DIS3L2: variants seen among roughly 807,000 people sequenced by gnomAD.
The protein encoded by DIS3L2 is DIS3 like 3'-5' exoribonuclease 2, also known as DIS3-like exonuclease 2.
Under a neutral mutation model 97.5 loss-of-function variants are expected in DIS3L2, and 34 were observed. That is an observed-to-expected ratio of 0.35 (90% CI 0.27 to 0.46). DIS3L2 has a LOEUF of 0.46. Among genes scored for constraint, DIS3L2 ranks in the 20% least tolerant of loss-of-function variants. DIS3L2 has a pLI of 1.00. For synonymous variants in DIS3L2, 435 were observed against 445.2 expected, an observed-to-expected ratio of 0.98 and a Z score of 0.29; for missense variants, 1,038 against 1,146.0, an observed-to-expected ratio of 0.91 and a Z score of 1.36.
chr2:232,337,259 C>A, downstream of DIS3L2: 2 of 935,728 alleles, frequency 2.1e-6, no homozygotes. Context: ...GTGTCCAACC[C>A]TGCCCCCACT....
At chr2:232,227,234 T>C (rs1490262162) in intron 10 of DIS3L2, among the ~76,000 whole-genome samples, 3 of 152,214 alleles carry the variant, frequency 2.0e-5, no homozygotes, top group Non-Finnish European at 2.9e-5. Flanking sequence ...TAAAATTAAA[T>C]TGAGAGCGCT....
At chr2:232,243,476 G>A (rs1693162854) in intron 11 of DIS3L2, among the ~76,000 whole-genome samples, 1 of 151,918 alleles carries the variant, frequency 6.6e-6, no homozygotes, top group Non-Finnish European at 1.5e-5. Context: ...CAGGAAAATT[G>A]TCATCAGTAC....
chr2:232,111,395 C>A (rs1371507773), intron 6 of DIS3L2: 1 of 351,470 alleles, frequency 2.8e-6, no homozygotes, highest in Non-Finnish European at 6.1e-6. Context: ...ATATGTATAC[C>A]GATTTTCGTC....
At chr2:232,181,244 A>C (rs1691257241) in intron 9 of DIS3L2, among the ~76,000 whole-genome samples, 1 of 150,636 alleles carries the variant, frequency 6.6e-6, no homozygotes, top group Non-Finnish European at 1.5e-5. Context: ...TGCCCTTAAC[A>C]TTTTTTCCTT....
At chr2:232,326,331 G>A (rs1227362611) in intron 14 of DIS3L2, among the ~76,000 whole-genome samples, 9 of 138,738 alleles carry the variant, frequency 6.5e-5, no homozygotes, top group Non-Finnish European at 1.1e-4. Flanking sequence ...TCTCTGACCC[G>A]TGGTGCCAGG....
intron 3 of DIS3L2, among the ~76,000 whole-genome samples, chr2:232,021,854 T>G (rs1047659757): frequency 3.9e-5 from 6 of 152,122 alleles, no homozygotes; most frequent in Admixed American, 2.0e-4. Flanking sequence ...ATAGACTCCC[T>G]CTGAGAGCAC....
At chr2:232,338,924 C>T (rs1428948232), downstream of DIS3L2, among the ~76,000 whole-genome samples, 5 of 152,286 alleles carry the variant, frequency 3.3e-5, no homozygotes, top group South Asian at 4.1e-4. Flanking sequence ...CAGAGCGAGA[C>T]TGTCTTTTCC....
chr2:232,249,660 T>C (rs1006766208), intron 12 of DIS3L2, among the ~76,000 whole-genome samples: 3 of 152,122 alleles, frequency 2.0e-5, no homozygotes, highest in Middle Eastern at 3.4e-3. Context: ...TGAATGAGGA[T>C]TGGCAAAGGC....
At chr2:232,240,703 C>T (rs1377311717) in intron 11 of DIS3L2, among the ~76,000 whole-genome samples, 1 of 152,166 alleles carries the variant, frequency 6.6e-6, no homozygotes, top group African/African-American at 2.4e-5. Context: ...CACCTGAGTC[C>T]AAGCTCTGAG....
At position 232,329,857 on chromosome 2, in the gene DIS3L2, A is replaced by G. The variant is rs752819903; in HGVS notation, c.1784A>G (p.His595Arg). 8 of 1,340,650 alleles carry G rather than the reference A, an allele frequency of 6.0e-6. No individual in the cohort carries two copies. The South Asian group carries it at 8.1e-5, about 14-fold the overall frequency. The allele number at this position is 1,340,650 out of a possible 1,614,324, so 83.0% of individuals were successfully genotyped here. The part of the protein sequence containing the change: ...FMLLANMAVA[H>R]KIHRAFPEQA... ...CTCTTGGCCAACATGGCAGTGGCCC[A>G]CAAGATCCACCGCGCCTTCCCCGAG... The change falls in exon 15 of 21, where the codon CAC (histidine) becomes CGC (arginine). Residue 595 changes from histidine (H) to arginine (R), a missense_variant. Coordinates refer to ENST00000325385, the MANE Select transcript of DIS3L2 (RefSeq NM_152383.5).
chr2:232,235,582 T>C (rs867501848), intron 10 of DIS3L2, among the ~76,000 whole-genome samples: 1 of 152,206 alleles, frequency 6.6e-6, no homozygotes, highest in Admixed American at 6.5e-5. Context: ...AATGAACTCT[T>C]TGTCAGTTTG....
At chr2:232,111,258 G>A (rs540100144) in intron 6 of DIS3L2, 1 of 471,326 alleles carries the variant, frequency 2.1e-6, no homozygotes, top group African/African-American at 2.0e-5. Context: ...GGAAGTCAGT[G>A]AGTTCATTAA....
chr2:232,175,892 T>C (rs1218714874), intron 9 of DIS3L2, among the ~76,000 whole-genome samples: 1 of 152,146 alleles, frequency 6.6e-6, no homozygotes, highest in Non-Finnish European at 1.5e-5. Flanking sequence ...CCTAGAATTT[T>C]TTATTTTTTA....
At chr2:232,109,265 GTGAAAC>G (rs1223396082) in intron 6 of DIS3L2, among the ~76,000 whole-genome samples, 2 of 152,006 alleles carry the variant, frequency 1.3e-5, no homozygotes, top group Admixed American at 1.3e-4. Context: ...GGCCAACATG[GTGAAAC>G]CCCATCTGTA....
chr2:232,290,569 A>T (rs1694573754), intron 13 of DIS3L2, among the ~76,000 whole-genome samples: 2 of 152,164 alleles, frequency 1.3e-5, no homozygotes, highest in South Asian at 4.1e-4. Context: ...GCTCCTTCCT[A>T]CAGAGCAACC....
At chr2:232,321,442 G>C (rs747399677) in intron 14 of DIS3L2, among the ~76,000 whole-genome samples, 1 of 152,210 alleles carries the variant, frequency 6.6e-6, no homozygotes, top group Non-Finnish European at 1.5e-5. Context: ...CAGGGGCCAT[G>C]ATGTCATGTG....
At chr2:231,970,375 T>C (rs1692867933) in intron 1 of DIS3L2, among the ~76,000 whole-genome samples, 1 of 152,148 alleles carries the variant, frequency 6.6e-6, no homozygotes, top group East Asian at 1.9e-4. Context: ...CCTCATAGAG[T>C]GTACTTTCAC....
chr2:231,964,272 T>C (rs549372679), intron 1 of DIS3L2, among the ~76,000 whole-genome samples: 8 of 152,324 alleles, frequency 5.3e-5, no homozygotes. Flanking sequence ...AACTGATCCT[T>C]TTCTGGGGAA....
intron 5 of DIS3L2, among the ~76,000 whole-genome samples, chr2:232,059,111 T>G (rs1048304720): frequency 2.6e-5 from 4 of 152,210 alleles, no homozygotes; most frequent in African/African-American, 4.8e-5. Context: ...AAGTCAGCTG[T>G]AAAAATTTGT....
Sources: gnomAD v4.1 joint callset for allele counts (sites outside exome capture counted in the v4.1 genomes callset) on GRCh38, gnomAD v4.1.1 for gene constraint, MANE v1.5 for transcripts, NCBI Gene and HGNC (gene_info 2026-07-23, HGNC 2026-07-21) for gene names.